The following CHERP variants were observed in gnomAD, a reference collection of about 807,000 sequenced individuals.
The protein encoded by CHERP is ERPROT 213-21.
A neutral mutation model predicts 113.8 loss-of-function variants in CHERP; 8 were observed. The ratio of observed to expected loss-of-function variants is 0.07; its 90% confidence interval spans 0.04 to 0.13. The LOEUF (loss-of-function observed/expected upper bound fraction) is 0.13, where lower values mean the gene tolerates loss of function less well. CHERP is among the 10% of genes least tolerant of loss of function. The pLI is 1.00. For missense variants in CHERP, 884 were observed against 1,298.2 expected (o/e 0.68, Z 4.90); for synonymous variants, 559 against 524.5 (o/e 1.07, Z -0.90).
In CHERP at chr19:16,518,039, G is replaced by A. The variant is rs17029; in HGVS notation, c.*1120C>T. 50,892 of 152,008 alleles carry A rather than the reference G, an allele frequency of 0.33. 9,743 individuals are homozygous for A. The highest frequency in any genetic ancestry group is 0.52 in the African/African-American group (21,725 of 41,432). 9.4% of individuals were successfully genotyped at this position (152,008 alleles called of 1,614,324 possible). On this transcript the variant is annotated 3_prime_UTR_variant, in exon 17 of 17. Transcript: ENST00000546361. The stretch of plus-strand genomic sequence containing the variant: ...TAGAACAAAATCAAATATTCATCAC[G>A]TTGGGTTGAAAAGTTGGAAGATTTT...
At chr19:16,531,203 G>A (rs1299261342) in intron 5 of CHERP, among the ~76,000 whole-genome samples, 23 of 152,238 alleles carry the variant, frequency 1.5e-4, no homozygotes, top group Admixed American at 1.5e-3. Flanking sequence ...AGGGATATGG[G>A]CCGGCGGGAG....
chr19:16,531,389 G>A (rs79198690), intron 5 of CHERP, among the ~76,000 whole-genome samples: 7 of 152,168 alleles, frequency 4.6e-5, no homozygotes, highest in Admixed American at 6.5e-5. Flanking sequence ...GATGCCCAGC[G>A]GGGGGAGGCG....
chr19:16,540,880 T>G (rs189613732), intron 2 of CHERP, among the ~76,000 whole-genome samples: 61 of 151,452 alleles, frequency 4.0e-4, no homozygotes, highest in African/African-American at 1.4e-3. Flanking sequence ...GTATTTTTCG[T>G]AGAAACAGGG....
chr19:16,519,712 G>A lies in CHERP; in HGVS notation c.2466C>T (p.Ser822=). The A allele has an allele frequency of 1.2e-6, 2 of 1,612,946 alleles. No homozygotes were observed. The highest frequency in any genetic ancestry group is 1.3e-5 in the African/African-American group (1 of 75,028). ...RSRSRSPTPP[S]SAGLGSNSAP... The stretch of plus-strand genomic sequence containing the variant: ...CCGAATTAGAACCCAGACCAGCAGA[G>A]GAACTAAAATCGAGACAGGTTATTC... The change falls in exon 16 of 17, where the codon TCC becomes TCT. Residue 822 remains serine (S), a synonymous_variant. Transcript: ENST00000546361. The surrounding 1 kb of genome is among the most constrained non-coding windows in gnomAD (Gnocchi z 6.0).
intron 1 of CHERP, 40 bp downstream of exon 1, chr19:16,542,314 G>C (rs773437859): frequency 7.1e-7 from 1 of 1,405,284 alleles, no homozygotes; most frequent in Non-Finnish European, 9.3e-7. Context: ...AGGAGGTTCC[G>C]GGGAGAGAGA....
chr19:16,521,854 C>T (rs143307767), intron 11 of CHERP, among the ~76,000 whole-genome samples, 200 bp from the exon 12 acceptor site: 14 of 152,356 alleles, frequency 9.2e-5, no homozygotes, highest in Non-Finnish European at 1.5e-4. Context: ...TGGGTCATAG[C>T]TGCTCTGAGG....
chr19:16,519,462 G>A lies in CHERP; in HGVS notation c.2558-110C>T, dbSNP rs756702904. 1.3e-4 allele frequency: 168 copies of A among 1,313,872 alleles called. No individual in the cohort carries two copies. The highest frequency in any genetic ancestry group is 1.7e-4 in the Non-Finnish European group (160 of 941,360). 81.4% of individuals were successfully genotyped at this position (1,313,872 alleles called of 1,614,324 possible). On this transcript the variant is annotated intron_variant, in intron 16 of 16. Coordinates refer to ENST00000546361, the MANE Select transcript of CHERP (RefSeq NM_006387.6). This position sits in a 1 kb window ranked among gnomAD's most constrained non-coding sequence, Gnocchi z 6.0. ...TGTAGACATGGGAAATGGGTAGAGA[G>A]AACCCGCAGGCCGGCCCTGTCTAGA... is the stretch of plus-strand genomic sequence containing the variant.
rs370479727 is a variant in CHERP, at chr19:16,520,796, C to T, written c.2201+30G>A. On this transcript the variant is annotated intron_variant, in intron 13 of 16. Transcript: ENST00000546361. This position sits in a 1 kb window ranked among gnomAD's most constrained non-coding sequence, Gnocchi z 4.0. Reference sequence around the variant, plus strand: ...CATCACAAGCTGTGGACCCTGGCCCCCCGGCCACTGCAGACATCTGCGCTT... The same window carrying T: ...CATCACAAGCTGTGGACCCTGGCCCTCCGGCCACTGCAGACATCTGCGCTT... 1.9e-6 allele frequency: 3 copies of T among 1,601,972 alleles called. No individual in the cohort carries two copies. The highest frequency in any genetic ancestry group is 1.7e-4 in the Middle Eastern group (1 of 6,016).
Position 16,520,388 on chromosome 19 carries a change from C to T in CHERP, c.2321G>A (p.Arg774His), listed in dbSNP as rs757723616. 1.8e-5 allele frequency: 29 copies of T among 1,613,910 alleles called. No individual in the cohort carries two copies. Among genetic ancestry groups the T allele is most frequent in the South Asian group, 3.3e-5 (3 of 91,090 alleles). The change falls in exon 14 of 17, where the codon CGT becomes CAT. Residue 774 changes from arginine to histidine, a missense_variant. Transcript: ENST00000546361. This position sits in a 1 kb window ranked among gnomAD's most constrained non-coding sequence, Gnocchi z 4.0. ...CCTAGATCTGGAGCGGGAGTAGGAA[C>T]GGGAGCAGGAGCGCGACCTTGACCT... ...YSRSRSRSCS[R>H]SYSRSRSRSR...
Position 16,530,746 on chromosome 19 carries a change from C to A in CHERP, c.786+23G>T. Reference sequence around the variant, plus strand: ...GCCTGTGTGTCCCGGTCTTGCCCAACCCCCGGCCCGGGGCCCACGCACCCG... The same window carrying A: ...GCCTGTGTGTCCCGGTCTTGCCCAAACCCCGGCCCGGGGCCCACGCACCCG... On this transcript the variant is annotated intron_variant, in intron 6 of 16. Transcript: ENST00000546361. This position sits in a 1 kb window ranked among gnomAD's most constrained non-coding sequence, Gnocchi z 4.1. 6.2e-7 allele frequency: 1 copy of A among 1,613,874 alleles called. No individual in the cohort carries two copies. The highest frequency in any genetic ancestry group is 2.2e-5 in the East Asian group (1 of 44,872).
At chr19:16,524,281 G>A (rs77550302) in intron 10 of CHERP, among the ~76,000 whole-genome samples, 54 of 150,546 alleles carry the variant, frequency 3.6e-4, no homozygotes, top group African/African-American at 1.2e-3. Flanking sequence ...AAGGCCAAGC[G>A]AGGTGGCTCA....
chr19:16,522,917 A>C, intron 11 of CHERP, 135 bp downstream of exon 11: 2 of 1,039,924 alleles, frequency 1.9e-6, no homozygotes, highest in Non-Finnish European at 2.7e-6. Context: ...CCACTGACGG[A>C]TCAGGGTCCC....
chr19:16,524,099 A>C (rs1157322031), intron 10 of CHERP, among the ~76,000 whole-genome samples: 23 of 151,826 alleles, frequency 1.5e-4, no homozygotes, highest in Non-Finnish European at 4.4e-5. Context: ...AAAATACAAA[A>C]ATTAGCTGGG....
chr19:16,529,489 C>T (rs372207847), intron 8 of CHERP, among the ~76,000 whole-genome samples, 159 bp downstream of exon 8: 45 of 152,286 alleles, frequency 3.0e-4, no homozygotes, highest in Non-Finnish European at 3.7e-4. Flanking sequence ...TCACCTGGCT[C>T]GTGCTTGTAA....
intron 9 of CHERP, 24 bp downstream of exon 9, chr19:16,528,056 C>T (rs1463381802): frequency 1.9e-6 from 3 of 1,610,726 alleles, no homozygotes; most frequent in Non-Finnish European, 2.5e-6. Flanking sequence ...CCCATCTGCT[C>T]CCACCCCAGG....
rs550659618 is a variant in CHERP at position 16,529,953 on chromosome 19, C to T, written c.877-53G>A. 6.3e-5 allele frequency: 98 copies of T among 1,566,308 alleles called. No individual in the cohort carries two copies. The African/African-American group carries it at 1.2e-3, about 19-fold the overall frequency. On this transcript the variant is annotated intron_variant, in intron 7 of 16. Transcript: ENST00000546361. Reference sequence around the variant, plus strand: ...CAGTATGCGGCCTTGGGGCTCGCTGCCTGGCGCCAGAGGACAAACGCCTGG... The same window carrying T: ...CAGTATGCGGCCTTGGGGCTCGCTGTCTGGCGCCAGAGGACAAACGCCTGG...
chr19:16,522,037 G>A lies in CHERP; in HGVS notation c.1981-383C>T, dbSNP rs941416562. On this transcript the variant is annotated intron_variant, in intron 11 of 16. Transcript: ENST00000546361. ...CCCCGCTCAGAACAGCCTCAGCCCC[G>A]GCCCTGGAGCCCCCTGGCCTGTATC... Among the ~76,000 whole-genome samples the A allele has an allele frequency of 3.3e-5, 5 of 152,026 alleles. No homozygotes were observed. The East Asian group carries it at 5.8e-4, about 18-fold the overall frequency.
rs1407652411 is a variant in CHERP at position 16,541,986 on chromosome 19, G to C, written c.83C>G (p.Pro28Arg). The change falls in exon 2 of 17, where the codon CCC (proline) becomes CGC (arginine). Residue 28 changes from proline (P) to arginine (R), a missense_variant. Around this residue, in one of 8 missense-constraint regions of CHERP, gnomAD observed 17 missense variants for 50.8 expected, o/e 0.33. Coordinates refer to ENST00000546361, the MANE Select transcript of CHERP (RefSeq NM_006387.6). ...KLAQFVARNGPEFEKMTMEKQ... is the reference protein window; with the variant it reads ...KLAQFVARNGREFEKMTMEKQ... Reference sequence around the variant, plus strand: ...CTCCATAGTCATCTTCTCAAACTCGGGCCCATTGCGAGCCACGAACTGGGC... The same window carrying C: ...CTCCATAGTCATCTTCTCAAACTCGCGCCCATTGCGAGCCACGAACTGGGC... 1 of 1,614,002 alleles carries C rather than the reference G, an allele frequency of 6.2e-7. No individual in the cohort carries two copies. The highest frequency in any genetic ancestry group is 1.7e-5 in the Admixed American group (1 of 60,020).
rs2085714864 is a variant in CHERP at position 16,532,699 on chromosome 19, C to T, written c.573G>A (p.Glu191=). The change falls in exon 5 of 17, where the codon GAG becomes GAA. Residue 191 remains glutamate, a synonymous_variant. Transcript: ENST00000546361. The surrounding 1 kb of genome is among the most constrained non-coding windows in gnomAD (Gnocchi z 4.4). ...FSNAKSPPHC[E]LMAGHLRNRI... ...GGTTCCGGAGGTGGCCGGCCATCAGCTCACAGTGCGGCGGGGACTTGGCAT... is the reference window on the plus strand; with the variant it reads ...GGTTCCGGAGGTGGCCGGCCATCAGTTCACAGTGCGGCGGGGACTTGGCAT... The T allele has an allele frequency of 1.2e-6, 2 of 1,613,808 alleles. No homozygotes were observed. The highest frequency in any genetic ancestry group is 2.2e-5 in the East Asian group (1 of 44,876).
Sources: gnomAD v4.1 joint callset for allele counts (sites outside exome capture counted in the v4.1 genomes callset) on GRCh38, gnomAD v4.1.1 for gene constraint, gnomAD v4.1.1 regional missense constraint, Gnocchi (gnomAD v3.1) non-coding constraint, MANE v1.5 for transcripts, NCBI Gene and HGNC (gene_info 2026-07-23, HGNC 2026-07-21) for gene names.